Variants in LRRC37A2 observed in about 807,000 individuals in gnomAD.
The protein encoded by LRRC37A2 is leucine rich repeat containing 37 member A2.
LRRC37A2 carries 9 observed loss-of-function variants against 68.8 expected under a neutral mutation model. That is an observed-to-expected ratio of 0.13 (90% CI 0.08 to 0.23). LRRC37A2 has a LOEUF of 0.23. LRRC37A2 is among the 10% of genes least tolerant of loss of function. The pLI, the probability that LRRC37A2 is intolerant of heterozygous loss-of-function variation, is 1.00. For missense variants in LRRC37A2, 168 were observed against 950.4 expected, an observed-to-expected ratio of 0.18 and a Z score of 10.82; for synonymous variants, 63 against 367.6, an observed-to-expected ratio of 0.17 and a Z score of 9.48.
chr17:46,886,560 G>C, the LRRC37A2 span: 104 of 152,256 alleles, frequency 6.8e-4, no homozygotes, highest in African/African-American at 2.3e-3. Flanking sequence ...TAGGTGGCCA[G>C]GTGATTCAAT....
the LRRC37A2 span, among the ~76,000 whole-genome samples, chr17:46,791,899 G>T: frequency 1.4e-4 from 22 of 152,292 alleles, no homozygotes; most frequent in Middle Eastern, 6.8e-3. Flanking sequence ...AATTAGCTGG[G>T]TGTGGTGGTG....
chr17:46,762,678 T>C, the LRRC37A2 span: 3 of 151,804 alleles, frequency 2.0e-5, no homozygotes, highest in African/African-American at 7.3e-5. Context: ...GAATATAAAA[T>C]CAAAAAGATC....
chr17:46,754,605 G>A, the LRRC37A2 span, among the ~76,000 whole-genome samples: 1 of 152,166 alleles, frequency 6.6e-6, no homozygotes, highest in East Asian at 1.9e-4. Context: ...TACATTTAAC[G>A]AGTTAGTATA....
At chr17:46,609,942 C>T in the LRRC37A2 span, among the ~76,000 whole-genome samples, 2 of 143,902 alleles carry the variant, frequency 1.4e-5, no homozygotes, top group African/African-American at 5.1e-5. Context: ...TCACCTCAGC[C>T]CCCTGAATAA....
chr17:46,880,972 T>C, the LRRC37A2 span, among the ~76,000 whole-genome samples: 1 of 152,184 alleles, frequency 6.6e-6, no homozygotes, highest in African/African-American at 2.4e-5. Flanking sequence ...TACAGTCTAA[T>C]AGGAGAAATG....
the LRRC37A2 span, among the ~76,000 whole-genome samples, chr17:46,693,470 T>G: frequency 5.9e-5 from 9 of 151,756 alleles, no homozygotes; most frequent in African/African-American, 2.2e-4. Context: ...ACTTCCTCTT[T>G]TAGCTGTTTT....
the LRRC37A2 span, among the ~76,000 whole-genome samples, chr17:46,967,847 C>A: frequency 1.3e-5 from 2 of 152,086 alleles, no homozygotes; most frequent in African/African-American, 4.8e-5. Context: ...GGCCCAGAGA[C>A]CATTTGGGGG....
chr17:47,014,943 T>C, the LRRC37A2 span, among the ~76,000 whole-genome samples: 17,036 of 151,494 alleles, frequency 0.11, 940 homozygotes, highest in South Asian at 0.22. Flanking sequence ...GTAGACCACA[T>C]ATATGATGGT....
the LRRC37A2 span, among the ~76,000 whole-genome samples, chr17:47,000,109 A>T: frequency 7.0e-6 from 1 of 142,114 alleles, no homozygotes; most frequent in Non-Finnish European, 1.5e-5. Context: ...AATAAAATAA[A>T]ATAAAATAAA....
At chr17:46,603,801 C>T in the LRRC37A2 span, among the ~76,000 whole-genome samples, 1 of 35,026 alleles carries the variant, frequency 2.9e-5, no homozygotes, top group African/African-American at 1.1e-4. Flanking sequence ...TGGGCTCAAG[C>T]GATCCTCCCA....
chr17:46,808,701 CTTAAAA>C, the LRRC37A2 span, among the ~76,000 whole-genome samples: 1 of 152,158 alleles, frequency 6.6e-6, no homozygotes, highest in Non-Finnish European at 1.5e-5. Context: ...CAATTGCAAT[CTTAAAA>C]TTAATGACTT....
chr17:46,974,012 T>C, the LRRC37A2 span, among the ~76,000 whole-genome samples: 1 of 152,312 alleles, frequency 6.6e-6, no homozygotes, highest in East Asian at 1.9e-4. Context: ...CACCCCTCTA[T>C]GTGAACTTGG....
the LRRC37A2 span, among the ~76,000 whole-genome samples, chr17:47,029,181 G>A: frequency 6.6e-6 from 1 of 151,802 alleles, no homozygotes; most frequent in African/African-American, 2.4e-5. Flanking sequence ...GAACTCCTGT[G>A]ACCTCAGGTG....
chr17:46,941,784 C>A, the LRRC37A2 span: 4 of 189,482 alleles, frequency 2.1e-5, no homozygotes, highest in Non-Finnish European at 3.8e-5. Flanking sequence ...CAGGGTTTTA[C>A]TATGTTGACC....
chr17:46,993,921 ATGGCAGGTGCC>A, the LRRC37A2 span, among the ~76,000 whole-genome samples: 2,868 of 152,352 alleles, frequency 0.019, 76 homozygotes, highest in African/African-American at 0.06. Context: ...CAGCTGGTCC[ATGGCAGGTGCC>A]ACACTGCCTT....
At chr17:46,945,279 A>G in the LRRC37A2 span, among the ~76,000 whole-genome samples, 1 of 152,064 alleles carries the variant, frequency 6.6e-6, no homozygotes, top group South Asian at 2.1e-4. Flanking sequence ...CAGCTGGGAA[A>G]CTTGCTGCTC....
chr17:46,825,976 C>A, the LRRC37A2 span, among the ~76,000 whole-genome samples: 97 of 152,352 alleles, frequency 6.4e-4, no homozygotes, highest in African/African-American at 2.3e-3. Flanking sequence ...TGAGCCAAGA[C>A]CGTGCCACTG....
chr17:46,988,947 C>T, the LRRC37A2 span, among the ~76,000 whole-genome samples: 2 of 152,012 alleles, frequency 1.3e-5, no homozygotes, highest in Non-Finnish European at 2.9e-5. Context: ...TGAGAAGGTG[C>T]GAATAGAGGA....
At chr17:46,860,422 C>T in the LRRC37A2 span, among the ~76,000 whole-genome samples, 1 of 152,066 alleles carries the variant, frequency 6.6e-6, no homozygotes, top group African/African-American at 2.4e-5. Context: ...GCCCAAGGCC[C>T]TGTTATAGTG....
Sources: gnomAD v4.1 joint callset for allele counts (sites outside exome capture counted in the v4.1 genomes callset) on GRCh38, gnomAD v4.1.1 for gene constraint, MANE v1.5 for transcripts, NCBI Gene and HGNC (gene_info 2026-07-23, HGNC 2026-07-21) for gene names.